Variants in MEI4 observed in about 807,000 individuals in gnomAD.
MEI4 encodes the protein meiotic double-stranded break formation protein 4.
In MEI4, 27 loss-of-function variants were observed where a neutral mutation model predicts 31.4. The observed-to-expected ratio is 0.86, with a 90% CI of 0.63 to 1.19. The LOEUF is 1.19. Among genes scored for constraint, MEI4 ranks in the 50% most tolerant of loss-of-function variants. The pLI is 0.00. For synonymous variants in MEI4, 122 were observed against 145.4 expected (o/e 0.84, Z 1.16); for missense variants, 329 against 398.9 (o/e 0.82, Z 1.49).
At chr6:77,750,880 T>G (rs1767752141) in intron 2 of MEI4, among the ~76,000 whole-genome samples, 1 of 152,204 alleles carries the variant, frequency 6.6e-6, no homozygotes, top group South Asian at 2.1e-4. Context: ...AGTAAAACAC[T>G]TCTTAGCAAA....
At chr6:77,870,190 T>A (rs752044398) in intron 4 of MEI4, among the ~76,000 whole-genome samples, 8 of 152,180 alleles carry the variant, frequency 5.3e-5, no homozygotes, top group Non-Finnish European at 8.8e-5. Flanking sequence ...ATTTTGATCT[T>A]TTCCCAGGCT....
intron 2 of MEI4, among the ~76,000 whole-genome samples, chr6:77,711,368 ATAAC>A (rs1380141090): frequency 6.6e-6 from 1 of 152,122 alleles, no homozygotes; most frequent in Non-Finnish European, 1.5e-5. Flanking sequence ...ATATGTATAT[ATAAC>A]ACAACATTAC....
At chr6:77,874,720 C>T (rs971413171) in intron 4 of MEI4, among the ~76,000 whole-genome samples, 1 of 152,064 alleles carries the variant, frequency 6.6e-6, no homozygotes, top group African/African-American at 2.4e-5. Context: ...TTTGCCCATT[C>T]AGTATGATAT....
At chr6:77,751,900 T>A (rs981471658) in intron 2 of MEI4, among the ~76,000 whole-genome samples, 1 of 151,966 alleles carries the variant, frequency 6.6e-6, no homozygotes. Flanking sequence ...CAGCAGCACA[T>A]CATCAAAAAG....
At chr6:77,733,895 C>G (rs1031359803) in intron 2 of MEI4, among the ~76,000 whole-genome samples, 4 of 152,150 alleles carry the variant, frequency 2.6e-5, no homozygotes, top group Admixed American at 6.5e-5. Context: ...ACCCAGTAGT[C>G]ATTCAGGAGC....
rs188679153 is a variant in MEI4 at position 77,899,121 on chromosome 6, G to A, written c.901-23968G>A. ...TGCATCTATATTTTCAAACAGGAAC[G>A]TTGATAAAGGGGAATGTGAAACGTG... On this transcript the variant is annotated intron_variant, in intron 4 of 4. Coordinates refer to ENST00000684080, the MANE Select transcript of MEI4 (RefSeq NM_001322247.2). 1.5e-4 allele frequency among the ~76,000 whole-genome samples: 23 copies of A among 152,118 alleles called. No homozygotes were observed. In the South Asian group the frequency reaches 2.5e-3, roughly 16 times the overall value.
rs746095929 is a variant in MEI4 at position 77,925,263 on chromosome 6, GA to G, written c.*1919del. 6 of 151,802 alleles carry G rather than the reference GA, an allele frequency of 4.0e-5. No homozygotes were observed. Among genetic ancestry groups the G allele is most frequent in the Non-Finnish European group, 8.8e-5 (6 of 67,892 alleles). 9.4% of individuals were successfully genotyped at this position (151,802 alleles called of 1,614,324 possible). ...CCTAGGAAATATATTTATTATAAAA[GA>G]AGATGCAAGATGTTGGGATCACTGT... is the stretch of plus-strand genomic sequence containing the variant. On this transcript the variant is annotated 3_prime_UTR_variant, in exon 5 of 5. Transcript: ENST00000684080.
At chr6:77,922,449 T>C (rs1322160318) in intron 4 of MEI4, among the ~76,000 whole-genome samples, 1 of 151,826 alleles carries the variant, frequency 6.6e-6, no homozygotes, top group Non-Finnish European at 1.5e-5. Context: ...CAGTTTTCAT[T>C]TTTATACTGA....
In MEI4 at chr6:77,873,473, C is replaced by T. The variant is rs561035437; in HGVS notation, c.900+44411C>T. Among the ~76,000 whole-genome samples, 258 of 151,718 alleles carry T rather than the reference C, an allele frequency of 1.7e-3. 3 individuals are homozygous for T. The highest frequency in any genetic ancestry group is 6.0e-3 in the African/African-American group (249 of 41,428). ...GTTGTTTGTTTTTTTCTTGTAAATT[C>T]GTTTGAGTTCATTGTAGATTCTGGA... On this transcript the variant is annotated intron_variant, in intron 4 of 4. Coordinates refer to ENST00000684080, the MANE Select transcript of MEI4 (RefSeq NM_001322247.2).
Position 77,735,996 on chromosome 6 carries a change from G to T in MEI4, c.233-25134G>T, listed in dbSNP as rs780437093. On this transcript the variant is annotated intron_variant, in intron 2 of 4. Transcript: ENST00000684080. ...TGAGGAGGCAGTCTGCCCGTTCTCAGATCTCCAGCTGCGTGCTGGGAGAAC... is the reference window on the plus strand; with the variant it reads ...TGAGGAGGCAGTCTGCCCGTTCTCATATCTCCAGCTGCGTGCTGGGAGAAC... Among the ~76,000 whole-genome samples the T allele has an allele frequency of 2.0e-5, 3 of 152,038 alleles. 1 individual carries two copies. Among genetic ancestry groups the T allele is most frequent in the Admixed American group, 2.0e-4 (3 of 15,284 alleles).
rs375952865 is a variant in MEI4 at position 77,925,139 on chromosome 6, T to C, written c.*1793T>C. ...AGTATCAGCAATGGCCCTTTCCCTA[T>C]TGCAGCCAGCCAACGTAATGATCAG... On this transcript the variant is annotated 3_prime_UTR_variant, in exon 5 of 5. Transcript: ENST00000684080. 59 of 151,956 alleles carry C rather than the reference T, an allele frequency of 3.9e-4. No homozygotes were observed. Among genetic ancestry groups the C allele is most frequent in the East Asian group, 3.1e-3 (16 of 5,150 alleles). The allele number at this position is 151,956 out of a possible 1,614,324, so 9.4% of individuals were successfully genotyped here.
Position 77,841,328 on chromosome 6 carries a change from T to TACAC in MEI4, c.900+12267_900+12268insCACA, listed in dbSNP as rs1215299282. On this transcript the variant is annotated intron_variant, in intron 4 of 4. Transcript: ENST00000684080. ...ACAAATGTGTGCATATATATATATATATATATTTTTTTTTTTTTTTTTTTT... is the reference window on the plus strand; with the variant it reads ...ACAAATGTGTGCATATATATATATATACACATATATTTTTTTTTTTTTTTTTTTT... Among the ~76,000 whole-genome samples, 25 of 70,190 alleles carry TACAC rather than the reference T, an allele frequency of 3.6e-4. No individual in the cohort carries two copies. In the East Asian group the frequency reaches 0.013, roughly 37 times the overall value. 46.0% of individuals were successfully genotyped at this position (70,190 alleles called of 152,430 possible).
At chr6:77,790,460 G>T (rs1179825489) in intron 3 of MEI4, among the ~76,000 whole-genome samples, 1 of 151,790 alleles carries the variant, frequency 6.6e-6, no homozygotes, top group African/African-American at 2.4e-5. Flanking sequence ...TGGGTACAGT[G>T]TTTACTATTT....
intron 4 of MEI4, among the ~76,000 whole-genome samples, chr6:77,857,127 A>G: frequency 6.6e-6 from 1 of 152,074 alleles, no homozygotes; most frequent in South Asian, 2.1e-4. Flanking sequence ...GTTTAGAATG[A>G]AGTTTTACAT....
intron 2 of MEI4, among the ~76,000 whole-genome samples, chr6:77,695,298 T>G (rs1460375762): frequency 6.6e-6 from 1 of 152,136 alleles, no homozygotes; most frequent in Non-Finnish European, 1.5e-5. Context: ...TTGGCTTTTG[T>G]TGCCATTGCT....
Position 77,800,963 on chromosome 6 carries a change from T to G in MEI4, c.769-27968T>G, listed in dbSNP as rs560111436. On this transcript the variant is annotated intron_variant, in intron 3 of 4. Coordinates refer to ENST00000684080, the MANE Select transcript of MEI4 (RefSeq NM_001322247.2). ...TTAGTCTAAAATTCTCTTTTTTGGT[T>G]GTGTCTCTGCCAGGCTTTGGTATCA... 3.7e-4 allele frequency among the ~76,000 whole-genome samples: 56 copies of G among 152,296 alleles called. 1 individual carries two copies. Among genetic ancestry groups the G allele is most frequent in the Admixed American group, 8.5e-4 (13 of 15,294 alleles).
chr6:77,788,806 A>G (rs1768827665), intron 3 of MEI4, among the ~76,000 whole-genome samples: 1 of 152,244 alleles, frequency 6.6e-6, no homozygotes, highest in South Asian at 2.1e-4. Context: ...AAGAATCAAT[A>G]TCGTGAAAAT....
At chr6:77,896,876 A>T (rs1766093556) in intron 4 of MEI4, among the ~76,000 whole-genome samples, 1 of 151,926 alleles carries the variant, frequency 6.6e-6, no homozygotes. Flanking sequence ...AATACTAGTA[A>T]TTTTTCTCTA....
chr6:77,663,405 T>TG (rs1377858454), intron 1 of MEI4, among the ~76,000 whole-genome samples: 3 of 151,106 alleles, frequency 2.0e-5, no homozygotes, highest in South Asian at 4.2e-4. Flanking sequence ...TGGGTTAAGG[T>TG]GGGGGGATAC....
Sources: allele counts gnomAD v4.1 joint callset (sites outside exome capture counted in the v4.1 genomes callset), GRCh38; gene constraint gnomAD v4.1.1; transcripts MANE v1.5; gene names NCBI Gene and HGNC (gene_info 2026-07-23, HGNC 2026-07-21).